The following DNAH9 variants were observed in gnomAD, a reference collection of about 807,000 sequenced individuals.
DNAH9 encodes DNAH9 variant protein.
Under a neutral mutation model 471.6 loss-of-function variants are expected in DNAH9, and 345 were observed. That is an observed-to-expected ratio of 0.73 (90% CI 0.67 to 0.80). The LOEUF (loss-of-function observed/expected upper bound fraction) is 0.80. DNAH9 is among the 30% of genes least tolerant of loss of function. The pLI, the probability that DNAH9 is intolerant of heterozygous loss-of-function variation, is 0.00. For missense variants in DNAH9, 5,407 were observed against 5,609.2 expected (o/e 0.96, Z 1.15); for synonymous variants, 2,093 against 2,123.6 (o/e 0.99, Z 0.40).
At chr17:11,950,401 T>C (rs757931583) in intron 67 of DNAH9, among the ~76,000 whole-genome samples, 4 of 152,218 alleles carry the variant, frequency 2.6e-5, no homozygotes, top group Non-Finnish European at 5.9e-5. Flanking sequence ...TAAACTTTTT[T>C]GTTTTCAGAG....
At chr17:11,607,418 G>C (rs769355910) in intron 1 of DNAH9, among the ~76,000 whole-genome samples, 17 of 152,194 alleles carry the variant, frequency 1.1e-4, no homozygotes, top group Non-Finnish European at 1.9e-4. Context: ...TGTATTAATA[G>C]TATCAAGAAG....
chr17:11,835,089 A>G (rs895180044), intron 49 of DNAH9, among the ~76,000 whole-genome samples, 191 bp downstream of exon 49: 3 of 152,190 alleles, frequency 2.0e-5, no homozygotes, highest in African/African-American at 7.2e-5. Flanking sequence ...GCTACCAATG[A>G]AATCCCGGAG....
intron 41 of DNAH9, among the ~76,000 whole-genome samples, chr17:11,788,814 T>A (rs1968964276): frequency 6.6e-6 from 1 of 152,174 alleles, no homozygotes; most frequent in Non-Finnish European, 1.5e-5. Flanking sequence ...GACACAGTCG[T>A]GATTTTACAG....
chr17:11,738,627 C>G (rs1015058445), intron 28 of DNAH9, among the ~76,000 whole-genome samples: 1 of 152,136 alleles, frequency 6.6e-6, no homozygotes. Flanking sequence ...GTGATCTGCC[C>G]GCCTTGGCCT....
chr17:11,836,442 G>A (rs921363366), intron 49 of DNAH9, among the ~76,000 whole-genome samples: 2 of 152,136 alleles, frequency 1.3e-5, no homozygotes, highest in South Asian at 4.1e-4. Context: ...GACCAGTAAA[G>A]TTCTTAAATG....
At chr17:11,874,891 C>G in intron 52 of DNAH9, 58 bp from the exon 53 acceptor site, 1 of 1,296,338 alleles carries the variant, frequency 7.7e-7, no homozygotes, top group Non-Finnish European at 1.1e-6. Flanking sequence ...CTGCATTCAT[C>G]CCAGCTGAGA....
intron 27 of DNAH9, among the ~76,000 whole-genome samples, chr17:11,720,462 C>T (rs1397527777): frequency 2.6e-5 from 4 of 152,032 alleles, no homozygotes; most frequent in Middle Eastern, 3.4e-3. Context: ...CTCCCTCTCT[C>T]GTTATTTTTG....
chr17:11,735,144 C>T (rs1266716706), intron 28 of DNAH9, among the ~76,000 whole-genome samples: 1 of 152,152 alleles, frequency 6.6e-6, no homozygotes, highest in Non-Finnish European at 1.5e-5. Flanking sequence ...AGAGTCCTCA[C>T]TGGTAAAATG....
intron 52 of DNAH9, among the ~76,000 whole-genome samples, chr17:11,874,302 G>T (rs912424338): frequency 6.6e-6 from 1 of 150,782 alleles, no homozygotes; most frequent in Non-Finnish European, 1.5e-5. Flanking sequence ...AGAAAAGGCA[G>T]TGTCTAGGGC....
At chr17:11,696,322 T>G (rs542625713) in intron 22 of DNAH9, among the ~76,000 whole-genome samples, 2 of 152,206 alleles carry the variant, frequency 1.3e-5, no homozygotes, top group Non-Finnish European at 2.9e-5. Flanking sequence ...TCCCTCATTT[T>G]TTAATATTTG....
At chr17:11,855,563 G>A (rs1971597021) in intron 50 of DNAH9, among the ~76,000 whole-genome samples, 1 of 152,108 alleles carries the variant, frequency 6.6e-6, no homozygotes, top group Admixed American at 6.5e-5. Context: ...ATGTAGGTAA[G>A]GAAAAAGGCC....
intron 35 of DNAH9, among the ~76,000 whole-genome samples, chr17:11,762,789 T>TTTTTTTTTTTTTTG (rs1567783499): frequency 7.4e-6 from 1 of 135,454 alleles, no homozygotes; most frequent in Non-Finnish European, 1.6e-5. Context: ...TTTTTTTTTT[T>TTTTTTTTTTTTTTG]TTTTTTTTGA....
intron 15 of DNAH9, 150 bp downstream of exon 15, chr17:11,665,118 GT>G (rs1353667516): frequency 1.0e-5 from 7 of 691,142 alleles, no homozygotes; most frequent in Non-Finnish European, 1.7e-5. Flanking sequence ...AACAGAAAAG[GT>G]ATCGAACTTC....
intron 38 of DNAH9, among the ~76,000 whole-genome samples, chr17:11,778,046 G>GAAGTTCAAAGTT (rs1470170529): frequency 6.6e-6 from 1 of 152,026 alleles, no homozygotes; most frequent in Non-Finnish European, 1.5e-5. Flanking sequence ...GAACTTTAGG[G>GAAGTTCAAAGTT]CGCGTACCAG....
At chr17:11,961,766 C>T in intron 67 of DNAH9, 101 bp from the exon 68 acceptor site, 9 of 1,375,742 alleles carry the variant, frequency 6.5e-6, no homozygotes, top group Non-Finnish European at 8.9e-6. Context: ...ATGGATAACT[C>T]TTGTCTGCCT....
At chr17:11,880,221 T>C (rs757818634) in intron 54 of DNAH9, 21 bp downstream of exon 54, 1 of 1,611,484 alleles carries the variant, frequency 6.2e-7, no homozygotes, top group South Asian at 1.1e-5. Flanking sequence ...GCTGTGTTGC[T>C]GACCCTTCGG....
chr17:11,620,701 A>G (rs975878523), intron 6 of DNAH9, among the ~76,000 whole-genome samples: 1 of 152,072 alleles, frequency 6.6e-6, no homozygotes, highest in Admixed American at 6.6e-5. Context: ...ACTGGGTTTC[A>G]AATAAACTCT....
At chr17:11,693,744 G>T (rs139376911) in intron 20 of DNAH9, 124 bp from the exon 21 acceptor site, 6 of 1,030,616 alleles carry the variant, frequency 5.8e-6, no homozygotes, top group Admixed American at 2.1e-5. Flanking sequence ...TGTTTCCTTC[G>T]TTGAGTCTAT....
At chr17:11,871,520 G>A (rs553749057) in intron 51 of DNAH9, 78 bp from the exon 52 acceptor site, 14 of 1,317,848 alleles carry the variant, frequency 1.1e-5, no homozygotes, top group South Asian at 3.9e-5. Flanking sequence ...TGCAGCGGGC[G>A]CTCTCCATGA....
Sources: gnomAD v4.1 joint callset for allele counts (sites outside exome capture counted in the v4.1 genomes callset) on GRCh38, gnomAD v4.1.1 for gene constraint, MANE v1.5 for transcripts, NCBI Gene and HGNC (gene_info 2026-07-23, HGNC 2026-07-21) for gene names.